GRIK2: variants seen among roughly 807,000 people sequenced by gnomAD.
GRIK2 encodes glutamate receptor ionotropic, kainate 2.
A neutral mutation model predicts 100.3 loss-of-function variants in GRIK2; 32 were observed. That is an observed-to-expected ratio of 0.32 (90% CI 0.24 to 0.43). The LOEUF (loss-of-function observed/expected upper bound fraction) is 0.43, where lower values mean the gene tolerates loss of function less well. Among genes scored for constraint, GRIK2 ranks in the 20% least tolerant of loss-of-function variants. The probability of loss-of-function intolerance (pLI) is 1.00; values close to 1 mark genes in which losing one functional copy is unlikely to be tolerated. For synonymous variants in GRIK2, 417 were observed against 389.4 expected (o/e 1.07, Z -0.83); for missense variants, 843 against 1,114.9 (o/e 0.76, Z 3.47).
chr6:101,917,373 T>C (rs557327296), intron 12 of GRIK2, among the ~76,000 whole-genome samples: 1 of 151,844 alleles, frequency 6.6e-6, no homozygotes, highest in African/African-American at 2.4e-5. Flanking sequence ...TGATCACCTA[T>C]GTTGAAAAAG....
intron 14 of GRIK2, among the ~76,000 whole-genome samples, chr6:101,973,265 T>G (rs940161803): frequency 2.0e-5 from 3 of 151,908 alleles, no homozygotes; most frequent in African/African-American, 7.2e-5. Flanking sequence ...GGATCTAGAA[T>G]TCAGTATTTT....
At chr6:101,568,971 A>G (rs534608843) in intron 2 of GRIK2, among the ~76,000 whole-genome samples, 8 of 152,000 alleles carry the variant, frequency 5.3e-5, no homozygotes, top group Non-Finnish European at 1.0e-4. Flanking sequence ...ACAGACCATT[A>G]CAGAGCTGGA....
intron 7 of GRIK2, among the ~76,000 whole-genome samples, chr6:101,770,855 C>T (rs73761425): frequency 0.057 from 8,643 of 152,190 alleles, 654 homozygotes; most frequent in African/African-American, 0.18. Flanking sequence ...CACCAACTCA[C>T]ATATTCCATT....
intron 2 of GRIK2, among the ~76,000 whole-genome samples, chr6:101,433,056 T>C (rs1178674233): frequency 1.3e-5 from 2 of 152,284 alleles, no homozygotes; most frequent in East Asian, 1.9e-4. Flanking sequence ...TGAGATCTAT[T>C]GGCCTCTCAT....
chr6:101,876,333 T>C (rs1027299073), intron 11 of GRIK2, among the ~76,000 whole-genome samples: 1 of 151,878 alleles, frequency 6.6e-6, no homozygotes, highest in African/African-American at 2.4e-5. Context: ...TAAAGATTAA[T>C]CTAAAAAAGA....
chr6:101,399,988 G>T (rs533539481), intron 2 of GRIK2, among the ~76,000 whole-genome samples: 145 of 152,268 alleles, frequency 9.5e-4, no homozygotes, highest in African/African-American at 3.3e-3. Context: ...TCTAAGATTC[G>T]AGGTTCTACT....
intron 7 of GRIK2, among the ~76,000 whole-genome samples, chr6:101,728,620 A>G (rs1258401166): frequency 1.3e-5 from 2 of 152,026 alleles, no homozygotes; most frequent in African/African-American, 2.4e-5. Context: ...TACTTACCTT[A>G]TTGGAGCCTG....
intron 14 of GRIK2, among the ~76,000 whole-genome samples, chr6:102,022,429 GCATACTATTGTACCTTA>G (rs1217366463): frequency 6.6e-6 from 1 of 151,556 alleles, no homozygotes; most frequent in Admixed American, 6.6e-5. Flanking sequence ...AGTTACTTTT[GCATACTATTGTACCTTA>G]CATTTTGGTA....
intron 7 of GRIK2, among the ~76,000 whole-genome samples, chr6:101,739,403 T>C (rs1479238874): frequency 1.3e-5 from 2 of 152,172 alleles, no homozygotes; most frequent in Non-Finnish European, 2.9e-5. Context: ...GTGAGGACTC[T>C]TAATGGGAAA....
At chr6:101,688,355 C>G (rs9322603) in intron 7 of GRIK2, among the ~76,000 whole-genome samples, 93,694 of 151,428 alleles carry the variant, frequency 0.62, 31,497 homozygotes, top group Non-Finnish European at 0.77. Flanking sequence ...CTTTGGTACA[C>G]TCTGTATAGC....
At position 101,773,670 on chromosome 6, in the gene GRIK2, T is replaced by A. The variant is rs369746164; in HGVS notation, c.952-25978T>A. On this transcript the variant is annotated intron_variant, in intron 7 of 16. Coordinates refer to ENST00000369134, the MANE Select transcript of GRIK2 (RefSeq NM_021956.5). ...TGAGATTTTCAGTTAAGTTGTTTTA[T>A]AATTATGACATATTTAAAAAGCTTT... Among the ~76,000 whole-genome samples the A allele has an allele frequency of 4.8e-4, 73 of 152,288 alleles. 2 individuals carry two copies. The South Asian group carries it at 0.015, about 31-fold the overall frequency.
At chr6:101,967,464 G>GTGAT (rs1303092414) in intron 14 of GRIK2, among the ~76,000 whole-genome samples, 3 of 151,998 alleles carry the variant, frequency 2.0e-5, no homozygotes, top group African/African-American at 7.2e-5. Flanking sequence ...AATTATAACA[G>GTGAT]TGATTCTTTA....
intron 16 of GRIK2, 135 bp downstream of exon 16, chr6:102,055,715 A>G: frequency 5.1e-6 from 3 of 587,722 alleles, no homozygotes; most frequent in Non-Finnish European, 5.9e-6. Context: ...TATGTCATTC[A>G]TTACATAACA....
At chr6:101,597,230 G>A (rs1264134917) in intron 2 of GRIK2, among the ~76,000 whole-genome samples, 1 of 151,372 alleles carries the variant, frequency 6.6e-6, no homozygotes, top group African/African-American at 2.4e-5. Flanking sequence ...TTAATAGAGG[G>A]GAGGAGGAGG....
At position 101,852,541 on chromosome 6, in the gene GRIK2, C is replaced by G. The variant is rs561442229; in HGVS notation, c.1318-6746C>G. Reference sequence around the variant, plus strand: ...TTCAGCAGTCATTTTATTGGTAAGCCTGCTATGAGCCAGGGGATGTTTGGT... The same window carrying G: ...TTCAGCAGTCATTTTATTGGTAAGCGTGCTATGAGCCAGGGGATGTTTGGT... On this transcript the variant is annotated intron_variant, in intron 10 of 16. Coordinates refer to ENST00000369134, the MANE Select transcript of GRIK2 (RefSeq NM_021956.5). 1.9e-3 allele frequency among the ~76,000 whole-genome samples: 296 copies of G among 152,194 alleles called. 3 individuals carry two copies. The highest frequency in any genetic ancestry group is 6.6e-3 in the African/African-American group (276 of 41,548).
At chr6:101,907,962 C>T (rs1256144805) in intron 12 of GRIK2, among the ~76,000 whole-genome samples, 1 of 151,482 alleles carries the variant, frequency 6.6e-6, no homozygotes, top group African/African-American at 2.4e-5. Context: ...CCCCTTTTAT[C>T]TTCCTCCTCC....
chr6:101,789,509 T>C (rs1359858065), intron 7 of GRIK2, among the ~76,000 whole-genome samples: 1 of 152,190 alleles, frequency 6.6e-6, no homozygotes, highest in African/African-American at 2.4e-5. Context: ...AAAGATCAGA[T>C]AGTTGTAGAT....
intron 10 of GRIK2, among the ~76,000 whole-genome samples, chr6:101,842,514 G>A (rs1311287709): frequency 2.0e-5 from 3 of 151,912 alleles, no homozygotes; most frequent in Non-Finnish European, 4.4e-5. Context: ...TTCTGTACAA[G>A]TTCTCTGTCC....
At chr6:101,499,132 G>A (rs1773614679) in intron 2 of GRIK2, among the ~76,000 whole-genome samples, 1 of 151,942 alleles carries the variant, frequency 6.6e-6, no homozygotes, top group Non-Finnish European at 1.5e-5. Flanking sequence ...AATTCAAGAT[G>A]GATTAAAGAC....
Sources: allele counts gnomAD v4.1 joint callset (sites outside exome capture counted in the v4.1 genomes callset), GRCh38; gene constraint gnomAD v4.1.1; transcripts MANE v1.5; gene names NCBI Gene and HGNC (gene_info 2026-07-23, HGNC 2026-07-21).